ETV3: variants seen among roughly 807,000 people sequenced by gnomAD.
ETV3 encodes ETS translocation variant 3.
Under a neutral mutation model 33.0 loss-of-function variants are expected in ETV3, and 8 were observed. The ratio of observed to expected loss-of-function variants is 0.24; its 90% confidence interval spans 0.14 to 0.44. The LOEUF (loss-of-function observed/expected upper bound fraction) is 0.44. Among genes scored for constraint, ETV3 ranks in the 20% least tolerant of loss-of-function variants. ETV3 has a pLI of 1.00. For missense variants in ETV3, 473 were observed against 652.3 expected, an observed-to-expected ratio of 0.73 and a Z score of 2.99; for synonymous variants, 222 against 238.9, an observed-to-expected ratio of 0.93 and a Z score of 0.65.
chr1:157,131,641 A>C (rs1674971158), intron 4 of ETV3, among the ~76,000 whole-genome samples: 2 of 152,162 alleles, frequency 1.3e-5, no homozygotes, highest in South Asian at 4.1e-4. Flanking sequence ...TATTCAACCT[A>C]CCCTGATCAG....
intron 4 of ETV3, 116 bp downstream of exon 4, chr1:157,133,996 T>C (rs1675034212): frequency 6.7e-7 from 1 of 1,492,578 alleles, no homozygotes; most frequent in African/African-American, 1.4e-5. Context: ...ATCCAAAGGA[T>C]CACATTATTT....
chr1:157,136,416 C>T, intron 1 of ETV3, 51 bp from the exon 2 acceptor site: 1 of 1,539,416 alleles, frequency 6.5e-7, no homozygotes, highest in Non-Finnish European at 8.8e-7. Flanking sequence ...TATTTAGTAT[C>T]CTCTCAAAAG....
chr1:157,123,554 C>T lies in ETV3; in HGVS notation c.*1287G>A, dbSNP rs927018879. ...TTTGGCATCTGGGTGCCTTCTGTGTCTTCTTTCCACCTCTTCCTTCAGTCT... is the reference window on the plus strand; with the variant it reads ...TTTGGCATCTGGGTGCCTTCTGTGTTTTCTTTCCACCTCTTCCTTCAGTCT... On this transcript the variant is annotated 3_prime_UTR_variant, in exon 5 of 5. Transcript: ENST00000368192. 2 of 152,266 alleles carry T rather than the reference C, an allele frequency of 1.3e-5. No individual in the cohort carries two copies. Among genetic ancestry groups the T allele is most frequent in the African/African-American group, 2.4e-5 (1 of 41,458 alleles). The allele number at this position is 152,266 out of a possible 1,614,324, so 9.4% of individuals were successfully genotyped here.
Position 157,125,772 on chromosome 1 carries a change from C to T in ETV3, c.608G>A (p.Arg203His), listed in dbSNP as rs377466641. The T allele has an allele frequency of 2.0e-5, 31 of 1,551,516 alleles. No individual in the cohort carries two copies. The highest frequency in any genetic ancestry group is 3.3e-4 in the Middle Eastern group (2 of 6,014). The change falls in exon 5 of 5, where the codon CGC (arginine) becomes CAC (histidine). Residue 203 changes from arginine to histidine, a missense_variant. This residue lies in a region of ETV3 where 410 missense variants were observed against 520.2 expected (regional missense o/e 0.79). Transcript: ENST00000368192. The surrounding 1 kb of genome is among the most constrained non-coding windows in gnomAD (Gnocchi z 4.0). ...ELEDGSAADW[R>H]RGVDPVSSRN... ...GGAGGACACGGGATCCACACCCCGG[C>T]GCCAGTCAGCAGCTGAGCCATCCTC...
chr1:157,122,968 A>G lies in ETV3; in HGVS notation c.*1873T>C, dbSNP rs747907388. The G allele has an allele frequency of 6.6e-6, 1 of 152,210 alleles. No homozygotes were observed. Among genetic ancestry groups the G allele is most frequent in the Non-Finnish European group, 1.5e-5 (1 of 68,042 alleles). The allele number at this position is 152,210 out of a possible 1,614,324, so 9.4% of individuals were successfully genotyped here. A position where few individuals can be genotyped will look rare whatever the true frequency, so the allele number is the denominator to read the frequency against. ...TGATGGACTCAAGTCATCCCAGGCC[A>G]TCTACTGTCTCCCTCACCTGCCCTA... On this transcript the variant is annotated 3_prime_UTR_variant, in exon 5 of 5. Coordinates refer to ENST00000368192, the MANE Select transcript of ETV3 (RefSeq NM_001145312.3).
chr1:157,131,037 A>G (rs1370250926), intron 4 of ETV3, among the ~76,000 whole-genome samples: 1 of 152,240 alleles, frequency 6.6e-6, no homozygotes, highest in Non-Finnish European at 1.5e-5. Context: ...AGAAAGAGAT[A>G]AAGCAAATGT....
chr1:157,133,831 C>G (rs1675029262), intron 4 of ETV3: 2 of 1,185,892 alleles, frequency 1.7e-6, no homozygotes, highest in Non-Finnish European at 2.1e-6. Context: ...TATGAAACAT[C>G]ATTCCCAAAC....
In ETV3 at chr1:157,123,298, T is replaced by G. The variant is rs929559290; in HGVS notation, c.*1543A>C. 1.3e-5 allele frequency: 2 copies of G among 152,298 alleles called. No individual in the cohort carries two copies. Among genetic ancestry groups the G allele is most frequent in the African/African-American group, 4.8e-5 (2 of 41,480 alleles). 9.4% of individuals were successfully genotyped at this position (152,298 alleles called of 1,614,324 possible). A position where few individuals can be genotyped will look rare whatever the true frequency, so the allele number is the denominator to read the frequency against. ...AGGTGGGCTGCTGCTTCTTTCTCTC[T>G]GCCCCTAGTCCAGGCTCCTTTGCTT... On this transcript the variant is annotated 3_prime_UTR_variant, in exon 5 of 5. Coordinates refer to ENST00000368192, the MANE Select transcript of ETV3 (RefSeq NM_001145312.3).
Position 157,135,316 on chromosome 1 carries a change from A to T in ETV3, c.284+155T>A, listed in dbSNP as rs543619698. 16 of 888,560 alleles carry T rather than the reference A, an allele frequency of 1.8e-5. No individual in the cohort carries two copies. In the African/African-American group the frequency reaches 2.7e-4, roughly 15 times the overall value. 55.0% of individuals were successfully genotyped at this position (888,560 alleles called of 1,614,324 possible). A position where few individuals can be genotyped will look rare whatever the true frequency, so the allele number is the denominator to read the frequency against. On this transcript the variant is annotated intron_variant, in intron 3 of 4. Transcript: ENST00000368192. ...CTCCTCCTGTGCCTATGCTACTCACATTCAACAGCTCTTCTACTCCCACTT... is the reference window on the plus strand; with the variant it reads ...CTCCTCCTGTGCCTATGCTACTCACTTTCAACAGCTCTTCTACTCCCACTT...
chr1:157,124,776 C>CT lies in ETV3; in HGVS notation c.*64dup. On this transcript the variant is annotated 3_prime_UTR_variant, in exon 5 of 5. Transcript: ENST00000368192. ...AACTCCCTCCCCCCCACCCTGAAAT[C>CT]TTGCTACATAAATACATGTATGTAT... The CT allele has an allele frequency of 1.3e-5, 2 of 155,874 alleles. No individual in the cohort carries two copies. The highest frequency in any genetic ancestry group is 2.5e-5 in the Non-Finnish European group (2 of 81,402). The allele number at this position is 155,874 out of a possible 1,614,324, so 9.7% of individuals were successfully genotyped here.
chr1:157,125,797 C>T lies in ETV3; in HGVS notation c.583G>A (p.Glu195Lys), dbSNP rs200806018. The T allele has an allele frequency of 6.4e-7, 1 of 1,551,736 alleles. No homozygotes were observed. Among genetic ancestry groups the T allele is most frequent in the Non-Finnish European group, 8.7e-7 (1 of 1,147,006 alleles). Residue 195 changes from glutamate (E) to lysine (K), a missense_variant, in exon 5 of 5, where the codon GAG (glutamate) becomes AAG (lysine). Physicochemically the swap from Glu to Lys is moderately conservative, Grantham distance 56 (BLOSUM62 1). This residue lies in a region of ETV3 where 410 missense variants were observed against 520.2 expected (regional missense o/e 0.79). Transcript: ENST00000368192. This position sits in a 1 kb window ranked among gnomAD's most constrained non-coding sequence, Gnocchi z 4.0. Reference protein sequence around the residue: ...TDRKTELSELEDGSAADWRRG... With the variant: ...TDRKTELSELKDGSAADWRRG... ...CGCCAGTCAGCAGCTGAGCCATCCT[C>T]CAGCTCTGAAAGCTCAGTCTTTCTA...
At chr1:157,136,265 G>C in intron 2 of ETV3, 42 bp downstream of exon 2, 1 of 1,591,276 alleles carries the variant, frequency 6.3e-7, no homozygotes, top group South Asian at 1.1e-5. Context: ...AACCACTGAG[G>C]GAAGCTTCCA....
At chr1:157,137,540 A>T (rs954658470) in intron 1 of ETV3, among the ~76,000 whole-genome samples, 89 of 140,296 alleles carry the variant, frequency 6.3e-4, no homozygotes, top group Non-Finnish European at 1.1e-3. Flanking sequence ...ACACACACAC[A>T]CTCTCACACA....
At chr1:157,133,914 A>G (rs1448051862) in intron 4 of ETV3, 198 bp downstream of exon 4, 1 of 1,397,172 alleles carries the variant, frequency 7.2e-7, no homozygotes, top group Non-Finnish European at 9.2e-7. Flanking sequence ...AAACCAAAGA[A>G]ATCTATCTTG....
At chr1:157,130,231 T>G (rs1674937514) in intron 4 of ETV3, among the ~76,000 whole-genome samples, 1 of 152,118 alleles carries the variant, frequency 6.6e-6, no homozygotes. Flanking sequence ...GGAGACATAA[T>G]AAGCAGTATT....
intron 1 of ETV3, among the ~76,000 whole-genome samples, chr1:157,136,984 T>C (rs1675128104): frequency 6.6e-6 from 1 of 152,222 alleles, no homozygotes; most frequent in Admixed American, 6.5e-5. Context: ...TTTACTCTAT[T>C]CAAAAAACAC....
rs1367053054 is a variant in ETV3, at chr1:157,125,092, G to C, written c.1288C>G (p.Pro430Ala). The C allele has an allele frequency of 1.3e-6, 2 of 1,545,582 alleles. No individual in the cohort carries two copies. Among genetic ancestry groups the C allele is most frequent in the Admixed American group, 4.0e-5 (2 of 50,572 alleles). The change falls in exon 5 of 5, where the codon CCC (proline) becomes GCC (alanine). Residue 430 changes from proline (P) to alanine (A), a missense_variant. Coordinates refer to ENST00000368192, the MANE Select transcript of ETV3 (RefSeq NM_001145312.3). This position sits in a 1 kb window ranked among gnomAD's most constrained non-coding sequence, Gnocchi z 4.0. ...CTAATGGGCACAGAGGGCCAGATGG[G>C]TGGTGCAGCAGGACGGGCAAAGATG... is the stretch of plus-strand genomic sequence containing the variant. Reference protein sequence around the residue: ...GTIFARPAAPPIWPSVPISTP... With the variant: ...GTIFARPAAPAIWPSVPISTP...
At position 157,122,224 on chromosome 1, in the gene ETV3, T is replaced by C. The variant is rs1238938119; in HGVS notation, c.*2617A>G. The C allele has an allele frequency of 2.0e-5, 3 of 151,556 alleles. No individual in the cohort carries two copies. The highest frequency in any genetic ancestry group is 7.3e-5 in the African/African-American group (3 of 41,194). The allele number at this position is 151,556 out of a possible 1,614,324, so 9.4% of individuals were successfully genotyped here. ...GGCTGGCGACAGGTGCTACCAGGAGTGGGCTGAGGGGAGAAAAACTATCTC... is the reference window on the plus strand; with the variant it reads ...GGCTGGCGACAGGTGCTACCAGGAGCGGGCTGAGGGGAGAAAAACTATCTC... On this transcript the variant is annotated 3_prime_UTR_variant, in exon 5 of 5. Transcript: ENST00000368192.
chr1:157,131,785 G>A (rs1303890115), intron 4 of ETV3, among the ~76,000 whole-genome samples: 1 of 152,186 alleles, frequency 6.6e-6, no homozygotes, highest in Admixed American at 6.5e-5. Flanking sequence ...CCATAAAGCA[G>A]ATGTTCAATA....
Sources: allele counts gnomAD v4.1 joint callset (sites outside exome capture counted in the v4.1 genomes callset), GRCh38; gene constraint gnomAD v4.1.1; regional missense constraint gnomAD v4.1.1; non-coding constraint Gnocchi (gnomAD v3.1); transcripts MANE v1.5; gene names NCBI Gene and HGNC (gene_info 2026-07-23, HGNC 2026-07-21).